The following KHDRBS2 variants were observed in gnomAD, a reference collection of about 807,000 sequenced individuals.
The protein encoded by KHDRBS2 is KH RNA binding domain containing, signal transduction associated 2.
KHDRBS2 carries 26 observed loss-of-function variants against 44.3 expected under a neutral mutation model. That is an observed-to-expected ratio of 0.59 (90% CI 0.43 to 0.81). KHDRBS2 has a LOEUF of 0.81. Among genes scored for constraint, KHDRBS2 ranks in the 40% least tolerant of loss-of-function variants. The pLI is 0.00. For missense variants in KHDRBS2, 476 were observed against 433.1 expected, an observed-to-expected ratio of 1.10 and a Z score of -0.88; for synonymous variants, 194 against 151.1, an observed-to-expected ratio of 1.28 and a Z score of -2.08.
chr6:61,790,035 G>T (rs1179423551), intron 6 of KHDRBS2, among the ~76,000 whole-genome samples: 1 of 151,354 alleles, frequency 6.6e-6, no homozygotes, highest in Non-Finnish European at 1.5e-5. Context: ...GTTGGTTTGG[G>T]TGCTAGTGAA....
At chr6:61,968,738 C>G (rs1770671967) in intron 4 of KHDRBS2, among the ~76,000 whole-genome samples, 1 of 151,926 alleles carries the variant, frequency 6.6e-6, no homozygotes, top group South Asian at 2.1e-4. Context: ...AGCATCTGGG[C>G]CTGCATATTT....
chr6:61,735,987 C>T (rs73759527), intron 6 of KHDRBS2, among the ~76,000 whole-genome samples: 27,590 of 151,648 alleles, frequency 0.18, 2,930 homozygotes, highest in East Asian at 0.29. Flanking sequence ...GAATGCAATG[C>T]CTTTGTGTGT....
At chr6:62,100,001 G>C (rs1562856748) in intron 2 of KHDRBS2, among the ~76,000 whole-genome samples, 1 of 152,160 alleles carries the variant, frequency 6.6e-6, no homozygotes, top group Non-Finnish European at 1.5e-5. Context: ...ATGAATCTGA[G>C]CAAAGTAAAT....
chr6:62,148,358 A>G (rs1201668177), intron 2 of KHDRBS2, among the ~76,000 whole-genome samples: 1 of 152,072 alleles, frequency 6.6e-6, no homozygotes, highest in African/African-American at 2.4e-5. Flanking sequence ...CAGTAAGAAT[A>G]CTATGAATAA....
chr6:62,043,602 A>G (rs1414228411), intron 3 of KHDRBS2, among the ~76,000 whole-genome samples: 1 of 152,030 alleles, frequency 6.6e-6, no homozygotes, highest in Non-Finnish European at 1.5e-5. Flanking sequence ...GGATTTTGCT[A>G]CTGGTATTAC....
At chr6:61,725,591 A>G (rs1488643611) in intron 7 of KHDRBS2, among the ~76,000 whole-genome samples, 3 of 152,136 alleles carry the variant, frequency 2.0e-5, no homozygotes, top group Non-Finnish European at 4.4e-5. Context: ...AATAAACACA[A>G]TCAGAAATGA....
rs548382722 is a variant in KHDRBS2 at position 61,892,281 on chromosome 6, G to T, written c.810+2354C>A. On this transcript the variant is annotated intron_variant, in intron 6 of 8. Coordinates refer to ENST00000281156, the MANE Select transcript of KHDRBS2 (RefSeq NM_152688.4). ...ACAAACAAATGGAAGAACATTCCAT[G>T]CTCATGGGTAGGAAGACTCAATATC... Among the ~76,000 whole-genome samples, 241 of 152,282 alleles carry T rather than the reference G, an allele frequency of 1.6e-3. 7 individuals carry two copies. In the South Asian group the frequency reaches 0.046, roughly 29 times the overall value.
At chr6:62,069,484 G>C (rs1353717432) in intron 2 of KHDRBS2, among the ~76,000 whole-genome samples, 1 of 151,568 alleles carries the variant, frequency 6.6e-6, no homozygotes, top group Non-Finnish European at 1.5e-5. Context: ...ACTTTGCTTT[G>C]CTTTCTGAGA....
intron 2 of KHDRBS2, among the ~76,000 whole-genome samples, chr6:62,067,410 C>T (rs1256878358): frequency 6.6e-6 from 1 of 151,414 alleles, no homozygotes; most frequent in Non-Finnish European, 1.5e-5. Flanking sequence ...TAGGCTCTGT[C>T]CAAACTAATT....
At chr6:61,994,178 GA>G (rs1776739800) in intron 3 of KHDRBS2, among the ~76,000 whole-genome samples, 1 of 152,074 alleles carries the variant, frequency 6.6e-6, no homozygotes, top group Non-Finnish European at 1.5e-5. Flanking sequence ...ATGGTCTCAG[GA>G]ATTCTAATAA....
chr6:62,206,570 T>G (rs531334190), intron 1 of KHDRBS2, among the ~76,000 whole-genome samples: 1 of 152,152 alleles, frequency 6.6e-6, no homozygotes, highest in Non-Finnish European at 1.5e-5. Flanking sequence ...ATAGGAAGAG[T>G]GATGCTTTCG....
At chr6:61,663,937 A>C in the KHDRBS2 span, among the ~76,000 whole-genome samples, 4 of 151,784 alleles carry the variant, frequency 2.6e-5, no homozygotes, top group Non-Finnish European at 4.4e-5. Context: ...TCATGTAAAA[A>C]TGAAAGAAAA....
At chr6:61,693,785 T>C (rs1463959932) in intron 8 of KHDRBS2, among the ~76,000 whole-genome samples, 2 of 152,100 alleles carry the variant, frequency 1.3e-5, no homozygotes, top group Non-Finnish European at 2.9e-5. Flanking sequence ...CTCTAGACTT[T>C]GCAACAGCAG....
At chr6:62,082,425 T>A (rs1320966617) in intron 2 of KHDRBS2, among the ~76,000 whole-genome samples, 1 of 152,012 alleles carries the variant, frequency 6.6e-6, no homozygotes, top group Non-Finnish European at 1.5e-5. Flanking sequence ...TTTGTCTTGA[T>A]TTGAGTTGAA....
intron 4 of KHDRBS2, among the ~76,000 whole-genome samples, chr6:61,933,419 A>C (rs2127368930): frequency 6.6e-6 from 1 of 152,314 alleles, no homozygotes; most frequent in South Asian, 2.1e-4. Context: ...TGCTGCAAAA[A>C]ACATAGGAGT....
chr6:61,982,807 T>C (rs1356156485), intron 3 of KHDRBS2, among the ~76,000 whole-genome samples: 2 of 152,140 alleles, frequency 1.3e-5, no homozygotes, highest in Admixed American at 1.3e-4. Context: ...CTCAGTAGAC[T>C]AAGAAAGGGT....
chr6:62,015,415 G>T (rs1781036572), intron 3 of KHDRBS2, among the ~76,000 whole-genome samples: 1 of 152,102 alleles, frequency 6.6e-6, no homozygotes, highest in Non-Finnish European at 1.5e-5. Flanking sequence ...AGATGCAGGT[G>T]CATGCTTTCT....
At chr6:62,112,474 A>G (rs1057265430) in intron 2 of KHDRBS2, among the ~76,000 whole-genome samples, 1 of 152,152 alleles carries the variant, frequency 6.6e-6, no homozygotes, top group Non-Finnish European at 1.5e-5. Context: ...TAAAACATTC[A>G]GGCAACACTC....
At chr6:62,088,446 A>AC (rs1562827910) in intron 2 of KHDRBS2, among the ~76,000 whole-genome samples, 1 of 152,016 alleles carries the variant, frequency 6.6e-6, no homozygotes, top group African/African-American at 2.4e-5. Context: ...TTTCCTTCTA[A>AC]CAGTCAGGCC....
Sources: gnomAD v4.1 joint callset for allele counts (sites outside exome capture counted in the v4.1 genomes callset) on GRCh38, gnomAD v4.1.1 for gene constraint, MANE v1.5 for transcripts, NCBI Gene and HGNC (gene_info 2026-07-23, HGNC 2026-07-21) for gene names.